Variants in STAG1 observed in about 807,000 individuals in gnomAD.
STAG1 encodes the protein cohesin subunit SA-1.
Under a neutral mutation model 170.9 loss-of-function variants are expected in STAG1, and 26 were observed. That is an observed-to-expected ratio of 0.15 (90% CI 0.11 to 0.21). The LOEUF (loss-of-function observed/expected upper bound fraction) is 0.21. STAG1 is among the 10% of genes least tolerant of loss of function. STAG1 has a pLI of 1.00. For missense variants in STAG1, 964 were observed against 1,509.5 expected (o/e 0.64, Z 5.99); for synonymous variants, 514 against 497.7 (o/e 1.03, Z -0.44).
In STAG1 at chr3:136,718,257, G is replaced by A. The variant is rs142068154; in HGVS notation, c.-84+33938C>T. On this transcript the variant is annotated intron_variant, in intron 1 of 33. Coordinates refer to ENST00000383202, the MANE Select transcript of STAG1 (RefSeq NM_005862.3). Reference sequence around the variant, plus strand: ...GGAGAAGAGTCTAGGTATGAGTATAGATGAAACAAAACTGGAATGAGTGAA... The same window carrying A: ...GGAGAAGAGTCTAGGTATGAGTATAAATGAAACAAAACTGGAATGAGTGAA... 5.2e-3 allele frequency among the ~76,000 whole-genome samples: 796 copies of A among 152,250 alleles called. 4 individuals carry two copies. The highest frequency in any genetic ancestry group is 7.9e-3 in the Non-Finnish European group (538 of 68,006).
At position 136,377,721 on chromosome 3, in the gene STAG1, T is replaced by G. The variant is rs1937684029; in HGVS notation, c.2309A>C (p.Lys770Thr). Residue 770 changes from lysine (K) to threonine (T), a missense_variant, in exon 23 of 34, where the codon AAA becomes ACA. This residue lies in a region of STAG1 where 232 missense variants were observed against 313.0 expected (regional missense o/e 0.74). Coordinates refer to ENST00000383202, the MANE Select transcript of STAG1 (RefSeq NM_005862.3). ...EDLLVLRKTV[K>T]SFLAVCQQCL... is the part of the protein sequence containing the mutation. ...CTGCTGGCAAACAGCCAAAAAGGATTTCACCGTTTTCCTCAATACCAACAA... is the reference window on the plus strand; with the variant it reads ...CTGCTGGCAAACAGCCAAAAAGGATGTCACCGTTTTCCTCAATACCAACAA... 1 of 1,613,944 alleles carries G rather than the reference T, an allele frequency of 6.2e-7. No individual in the cohort carries two copies. Among genetic ancestry groups the G allele is most frequent in the South Asian group, 1.1e-5 (1 of 91,084 alleles).
At chr3:136,664,820 A>G (rs569602501) in intron 1 of STAG1, among the ~76,000 whole-genome samples, 1 of 152,362 alleles carries the variant, frequency 6.6e-6, no homozygotes, top group South Asian at 2.1e-4. Context: ...TTACTTAAAC[A>G]GACCAACTTA....
rs547049356 is a variant in STAG1, at chr3:136,389,356, G to T, written c.2277+9393C>A. 8.4e-4 allele frequency among the ~76,000 whole-genome samples: 128 copies of T among 152,146 alleles called. 3 individuals carry two copies. The South Asian group carries it at 0.026, about 31-fold the overall frequency. On this transcript the variant is annotated intron_variant, in intron 22 of 33. Transcript: ENST00000383202. The stretch of plus-strand genomic sequence containing the variant: ...ACTGAGTCTCACTCTGTCACGCAGG[G>T]TGGAGTGCAGTGGTGTGATCTCCGC...
intron 22 of STAG1, among the ~76,000 whole-genome samples, chr3:136,386,606 G>A (rs185326537): frequency 6.3e-4 from 96 of 152,196 alleles, no homozygotes; most frequent in African/African-American, 2.3e-3. Flanking sequence ...CACAAAAACA[G>A]AAGTATATAG....
intron 1 of STAG1, among the ~76,000 whole-genome samples, chr3:136,638,594 GC>G (rs1940672715): frequency 6.6e-6 from 1 of 152,078 alleles, no homozygotes; most frequent in African/African-American, 2.4e-5. Flanking sequence ...AAAGTTAGCA[GC>G]TTTCTTTTAA....
chr3:136,723,833 G>A (rs1933477706), intron 1 of STAG1, among the ~76,000 whole-genome samples: 2 of 147,558 alleles, frequency 1.4e-5, no homozygotes, highest in African/African-American at 2.5e-5. Flanking sequence ...GAGGGAGGTG[G>A]GGGGGTCAGC....
At chr3:136,512,964 G>C (rs1464403448) in intron 7 of STAG1, among the ~76,000 whole-genome samples, 3 of 152,128 alleles carry the variant, frequency 2.0e-5, no homozygotes, top group African/African-American at 7.2e-5. Flanking sequence ...GAAGAAAAAA[G>C]GTTAGGACTG....
rs1935687713 is a variant in STAG1 at position 136,336,597 on chromosome 3, C to T, written c.*1657G>A. The T allele has an allele frequency of 6.6e-6, 1 of 152,258 alleles. No homozygotes were observed. Among genetic ancestry groups the T allele is most frequent in the African/African-American group, 2.4e-5 (1 of 41,472 alleles). The allele number at this position is 152,258 out of a possible 1,614,324, so 9.4% of individuals were successfully genotyped here. A position where few individuals can be genotyped will look rare whatever the true frequency, so the allele number is the denominator to read the frequency against. On this transcript the variant is annotated 3_prime_UTR_variant, in exon 34 of 34. Coordinates refer to ENST00000383202, the MANE Select transcript of STAG1 (RefSeq NM_005862.3). ...CAGTCCAGTCATTCCTGCACCTTCA[C>T]TTCCAGTGAAGCCCACAATTCTGGG...
At chr3:136,545,241 T>A (rs1576591066) in intron 5 of STAG1, among the ~76,000 whole-genome samples, 1 of 152,168 alleles carries the variant, frequency 6.6e-6, no homozygotes, top group Non-Finnish European at 1.5e-5. Flanking sequence ...CAATAAGTTT[T>A]GTATTTTTAG....
intron 13 of STAG1, among the ~76,000 whole-genome samples, chr3:136,463,765 G>GTGTGTC (rs2089348934): frequency 1.4e-5 from 1 of 73,798 alleles, no homozygotes; most frequent in Non-Finnish European, 2.8e-5. Flanking sequence ...GTGTGTGTGT[G>GTGTGTC]TGTATACACA....
Position 136,521,400 on chromosome 3 carries a change from A to G in STAG1, c.489T>C (p.Pro163=). The G allele has an allele frequency of 6.2e-7, 1 of 1,613,490 alleles. No individual in the cohort carries two copies. Among genetic ancestry groups the G allele is most frequent in the Non-Finnish European group, 8.5e-7 (1 of 1,179,588 alleles). ...TCCACTGAGGTCCAGGCATGGTAAG[A>G]GGATAATCACCACTGTCCTAAAAAA... ...EEFDEDSGDY[P]LTMPGPQWKK... is the part of the protein sequence containing the mutation. Residue 163 remains proline, a synonymous_variant, in exon 7 of 34, where the codon CCT becomes CCC. Coordinates refer to ENST00000383202, the MANE Select transcript of STAG1 (RefSeq NM_005862.3).
At chr3:136,741,169 T>C (rs1216605260) in intron 1 of STAG1, among the ~76,000 whole-genome samples, 1 of 152,238 alleles carries the variant, frequency 6.6e-6, no homozygotes, top group Admixed American at 6.5e-5. Context: ...TGAGTTTCTC[T>C]AAGCTTGGGA....
At chr3:136,528,995 T>C (rs1070231) in intron 6 of STAG1, among the ~76,000 whole-genome samples, 152,011 of 152,078 alleles carry the variant, frequency 1, 75,972 homozygotes, top group Middle Eastern at 1. Flanking sequence ...CCACAAATTT[T>C]GGAACTGAAT....
At chr3:136,633,807 T>C (rs142581553) in intron 1 of STAG1, among the ~76,000 whole-genome samples, 1,589 of 143,458 alleles carry the variant, frequency 0.011, 29 homozygotes, top group East Asian at 0.047. Flanking sequence ...GCAGAATATA[T>C]AGAGACTCCA....
chr3:136,407,147 C>A (rs768301809), intron 21 of STAG1, among the ~76,000 whole-genome samples: 1 of 152,186 alleles, frequency 6.6e-6, no homozygotes, highest in South Asian at 2.1e-4. Flanking sequence ...CTGCCTCAGC[C>A]TCCTGAGTAG....
At position 136,518,139 on chromosome 3, in the gene STAG1, G is replaced by A. The variant is rs1045673797; in HGVS notation, c.676+3074C>T. 9 of 381,936 alleles carry A rather than the reference G, an allele frequency of 2.4e-5. 1 individual carries two copies. Among genetic ancestry groups the A allele is most frequent in the Non-Finnish European group, 4.2e-5 (9 of 215,620 alleles). 23.7% of individuals were successfully genotyped at this position (381,936 alleles called of 1,614,324 possible). On this transcript the variant is annotated intron_variant, in intron 7 of 33. Transcript: ENST00000383202. ...AGGGACACATATTGAATTCATAACA[G>A]GAAAATGGGATATTTGGAAAACAGA...
chr3:136,418,400 A>AAAAAG (rs2087841991), intron 20 of STAG1, among the ~76,000 whole-genome samples: 1 of 110,712 alleles, frequency 9.0e-6, no homozygotes, highest in Admixed American at 1.1e-4. Flanking sequence ...AAAAAAAAAA[A>AAAAAG]GGTTTTTTTC....
chr3:136,719,012 T>C (rs903702330), intron 1 of STAG1, among the ~76,000 whole-genome samples: 1 of 152,114 alleles, frequency 6.6e-6, no homozygotes, highest in Non-Finnish European at 1.5e-5. Flanking sequence ...ATATTAAACA[T>C]AAATTTACTA....
intron 1 of STAG1, among the ~76,000 whole-genome samples, chr3:136,720,163 C>T (rs928103750): frequency 9.2e-5 from 12 of 130,766 alleles, no homozygotes; most frequent in Non-Finnish European, 1.6e-4. Context: ...GCAACAAGAG[C>T]GAAATTCCGT....
Sources: allele counts gnomAD v4.1 joint callset (sites outside exome capture counted in the v4.1 genomes callset), GRCh38; gene constraint gnomAD v4.1.1; regional missense constraint gnomAD v4.1.1; transcripts MANE v1.5; gene names NCBI Gene and HGNC (gene_info 2026-07-23, HGNC 2026-07-21).